Variants in FLRT2 observed in about 807,000 individuals in gnomAD.
The protein encoded by FLRT2 is fibronectin leucine rich transmembrane protein 2.
A neutral mutation model predicts 40.0 loss-of-function variants in FLRT2; 15 were observed. The observed-to-expected ratio is 0.38, with a 90% confidence interval of 0.25 to 0.58. FLRT2 has a LOEUF of 0.58. Among genes scored for constraint, FLRT2 ranks in the 20% least tolerant of loss-of-function variants. FLRT2 has a pLI of 0.71. For synonymous variants in FLRT2, 380 were observed against 336.8 expected (o/e 1.13, Z -1.41); for missense variants, 726 against 840.0 (o/e 0.86, Z 1.68).
intron 1 of FLRT2, among the ~76,000 whole-genome samples, chr14:85,550,535 C>A (rs1275938410): frequency 6.6e-6 from 1 of 152,124 alleles, no homozygotes; most frequent in Non-Finnish European, 1.5e-5. Flanking sequence ...TCTTTTTCTG[C>A]ATAATATTAA....
chr14:85,578,190 T>TTATATATATTTATATATAAATATACG (rs1396205824), intron 1 of FLRT2, among the ~76,000 whole-genome samples: 58 of 145,854 alleles, frequency 4.0e-4, no homozygotes, highest in East Asian at 1.2e-3. Flanking sequence ...TTATATATAT[T>TTATATATATTTATATATAAATATACG]TATATATATT....
In FLRT2 at chr14:85,622,222, A is replaced by G. The variant is rs757224004; in HGVS notation, c.708A>G (p.Ser236=). ...FSHLTKLKEF[S]IVRNSLSHPP... The stretch of plus-strand genomic sequence containing the variant: ...ATCTCACCAAGCTCAAGGAATTTTC[A>G]ATTGTACGTAATTCGCTGTCCCACC... The change falls in exon 2 of 2, where the codon TCA becomes TCG. Residue 236 remains serine, a synonymous_variant. Transcript: ENST00000330753. The G allele has an allele frequency of 6.2e-7, 1 of 1,614,118 alleles. No homozygotes were observed. Among genetic ancestry groups the G allele is most frequent in the Admixed American group, 1.7e-5 (1 of 60,022 alleles).
At chr14:85,532,053 T>C (rs1287295085) in intron 1 of FLRT2, among the ~76,000 whole-genome samples, 1 of 152,166 alleles carries the variant, frequency 6.6e-6, no homozygotes, top group East Asian at 1.9e-4. Context: ...TAAAAAACAA[T>C]TGGGGAAGTG....
At chr14:85,592,127 C>T (rs1259382771) in intron 1 of FLRT2, among the ~76,000 whole-genome samples, 2 of 139,722 alleles carry the variant, frequency 1.4e-5, no homozygotes, top group African/African-American at 5.8e-5. Flanking sequence ...ACAGATGTGA[C>T]AGGAAGAAAA....
intron 1 of FLRT2, among the ~76,000 whole-genome samples, chr14:85,538,289 G>T (rs937646889): frequency 6.6e-6 from 1 of 152,106 alleles, no homozygotes; most frequent in Admixed American, 6.6e-5. Context: ...AAAGTCAAAA[G>T]GACACGTTGA....
chr14:85,611,899 A>AGC (rs140527571), intron 1 of FLRT2, among the ~76,000 whole-genome samples: 29,160 of 126,516 alleles, frequency 0.23, 3,602 homozygotes, highest in Middle Eastern at 0.34. Context: ...AGAGAGAGAG[A>AGC]GCGCGCGTGC....
chr14:85,543,623 C>T (rs997116226), intron 1 of FLRT2, among the ~76,000 whole-genome samples: 6 of 152,228 alleles, frequency 3.9e-5, no homozygotes, highest in African/African-American at 7.2e-5. Context: ...ACGCAAGATC[C>T]GTGACAATCT....
chr14:85,553,429 T>C (rs1315946788), intron 1 of FLRT2, among the ~76,000 whole-genome samples: 2 of 152,098 alleles, frequency 1.3e-5, no homozygotes, highest in Non-Finnish European at 2.9e-5. Context: ...AGAAGAAGAA[T>C]TGTCTGGGGC....
rs1888183034 is a variant in FLRT2 at position 85,530,191 on chromosome 14, T to C, written c.-720T>C. 6.5e-6 allele frequency: 1 copy of C among 152,714 alleles called. No individual in the cohort carries two copies. Among genetic ancestry groups the C allele is most frequent in the African/African-American group, 2.4e-5 (1 of 41,460 alleles). The allele number at this position is 152,714 out of a possible 1,614,324, so 9.5% of individuals were successfully genotyped here. ...GCCGTCACTTGCGCGTTTGGCATTA[T>C]CCATTGTCACCGCGGAGGAACGAGC... On this transcript the variant is annotated 5_prime_UTR_variant, in exon 1 of 2. Coordinates refer to ENST00000330753, the MANE Select transcript of FLRT2 (RefSeq NM_013231.6).
chr14:85,566,032 T>C (rs1403431334), intron 1 of FLRT2, among the ~76,000 whole-genome samples: 1 of 152,108 alleles, frequency 6.6e-6, no homozygotes, highest in Non-Finnish European at 1.5e-5. Flanking sequence ...ATCATTAGAA[T>C]AAGAAACATG....
chr14:85,613,940 T>C (rs1312773678), intron 1 of FLRT2, among the ~76,000 whole-genome samples: 1 of 152,216 alleles, frequency 6.6e-6, no homozygotes, highest in Non-Finnish European at 1.5e-5. Context: ...TAAAAGTTGA[T>C]GGATTCAGTA....
chr14:85,581,995 G>A (rs992293961), intron 1 of FLRT2, among the ~76,000 whole-genome samples: 1 of 152,188 alleles, frequency 6.6e-6, no homozygotes, highest in Admixed American at 6.5e-5. Context: ...CATGAATGCA[G>A]TTTGGTATTA....
intron 1 of FLRT2, among the ~76,000 whole-genome samples, chr14:85,604,667 TTTG>T (rs1206863718): frequency 2.6e-5 from 4 of 152,116 alleles, no homozygotes; most frequent in Admixed American, 2.0e-4. Flanking sequence ...AAGATTTTTT[TTTG>T]TTGTTGTTCT....
intron 1 of FLRT2, among the ~76,000 whole-genome samples, chr14:85,589,558 G>T (rs1347159679): frequency 6.6e-6 from 1 of 152,008 alleles, no homozygotes; most frequent in African/African-American, 2.4e-5. Flanking sequence ...CCATTCTGTG[G>T]GTATGTCTCT....
In FLRT2 at chr14:85,633,410, T is replaced by C. The variant is rs1180440681; in HGVS notation, c.*9913T>C. On this transcript the variant is annotated 3_prime_UTR_variant, in exon 2 of 2. Coordinates refer to ENST00000330753, the MANE Select transcript of FLRT2 (RefSeq NM_013231.6). ...CTGGTTGCTAGAGTACACATAGATG[T>C]AGTTATTGCTGAAAATTAATTCAGA... 3 of 152,084 alleles carry C rather than the reference T, an allele frequency of 2.0e-5. No homozygotes were observed. Among genetic ancestry groups the C allele is most frequent in the Non-Finnish European group, 2.9e-5 (2 of 68,012 alleles). The allele number at this position is 152,084 out of a possible 1,614,324, so 9.4% of individuals were successfully genotyped here. A position where few individuals can be genotyped will look rare whatever the true frequency, so the allele number is the denominator to read the frequency against.
intron 1 of FLRT2, among the ~76,000 whole-genome samples, chr14:85,547,394 G>A (rs1395971634): frequency 6.6e-6 from 1 of 150,476 alleles, no homozygotes; most frequent in Admixed American, 6.7e-5. Flanking sequence ...GTGATCTTGG[G>A]CTTACTACAT....
At chr14:85,541,276 G>T (rs1888970689) in intron 1 of FLRT2, among the ~76,000 whole-genome samples, 1 of 152,178 alleles carries the variant, frequency 6.6e-6, no homozygotes, top group South Asian at 2.1e-4. Context: ...TTCAGGAGAT[G>T]ATTTTTAGCA....
chr14:85,536,546 C>T (rs1365942327), intron 1 of FLRT2, among the ~76,000 whole-genome samples: 1 of 151,952 alleles, frequency 6.6e-6, no homozygotes, highest in Non-Finnish European at 1.5e-5. Context: ...TCCTTTTTCA[C>T]TAGATTACTT....
chr14:85,589,018 G>A (rs1297234170), intron 1 of FLRT2, among the ~76,000 whole-genome samples: 1 of 152,120 alleles, frequency 6.6e-6, no homozygotes, highest in Non-Finnish European at 1.5e-5. Flanking sequence ...GGACACTTAG[G>A]TTCTTTCCAA....
Sources: allele counts gnomAD v4.1 joint callset (sites outside exome capture counted in the v4.1 genomes callset), GRCh38; gene constraint gnomAD v4.1.1; transcripts MANE v1.5; gene names NCBI Gene and HGNC (gene_info 2026-07-23, HGNC 2026-07-21).